LNPK: variants seen among roughly 807,000 people sequenced by gnomAD.
The protein encoded by LNPK is endoplasmic reticulum junction formation protein lunapark.
LNPK carries 29 observed loss-of-function variants against 55.2 expected under a neutral mutation model. That is an observed-to-expected ratio of 0.53 (90% CI 0.39 to 0.72). The LOEUF (loss-of-function observed/expected upper bound fraction) is 0.72, where lower values mean the gene tolerates loss of function less well. LNPK is among the 30% of genes least tolerant of loss of function. LNPK has a pLI of 0.00. For synonymous variants in LNPK, 162 were observed against 168.2 expected (o/e 0.96, Z 0.29); for missense variants, 467 against 494.8 (o/e 0.94, Z 0.53).
At chr2:175,935,157 G>A (rs1033452074) in intron 12 of LNPK, among the ~76,000 whole-genome samples, 5 of 152,108 alleles carry the variant, frequency 3.3e-5, no homozygotes, top group African/African-American at 9.7e-5. Context: ...AAGTTTGGAT[G>A]GAAGAAAGTT....
intron 6 of LNPK, chr2:175,967,497 C>G (rs1686428962): frequency 4.4e-6 from 1 of 228,794 alleles, no homozygotes. Context: ...TTAAAACGCA[C>G]AAAGCATTAA....
intron 2 of LNPK, chr2:175,994,196 G>C: frequency 1.0e-6 from 1 of 981,088 alleles, no homozygotes; most frequent in Non-Finnish European, 1.2e-6. Flanking sequence ...TTCCATAAGA[G>C]TTGTTAACAT....
rs905833310 is a variant in LNPK at position 175,928,240 on chromosome 2, T to G, written c.*1727A>C. The G allele has an allele frequency of 6.6e-6, 1 of 152,192 alleles. No homozygotes were observed. The highest frequency in any genetic ancestry group is 1.5e-5 in the Non-Finnish European group (1 of 68,042). The allele number at this position is 152,192 out of a possible 1,614,324, so 9.4% of individuals were successfully genotyped here. A position where few individuals can be genotyped will look rare whatever the true frequency, so the allele number is the denominator to read the frequency against. ...TTTCCTCATCTGCAAGAGGAAAAAC[T>G]TATGGTCCTTGCATATTTTAAAGAC... On this transcript the variant is annotated 3_prime_UTR_variant, in exon 13 of 13. Transcript: ENST00000272748.
intron 6 of LNPK, among the ~76,000 whole-genome samples, chr2:175,967,371 T>C (rs897931171): frequency 6.6e-6 from 1 of 152,086 alleles, no homozygotes; most frequent in Non-Finnish European, 1.5e-5. Flanking sequence ...CATTACATCA[T>C]AGAAAACATT....
chr2:175,993,887 T>C (rs17394682), intron 2 of LNPK, among the ~76,000 whole-genome samples: 7,434 of 152,224 alleles, frequency 0.049, 254 homozygotes, highest in Middle Eastern at 0.12. Flanking sequence ...AATTAACACA[T>C]TGAAAAAAAT....
chr2:175,995,794 T>C (rs560514880), intron 1 of LNPK, 148 bp from the exon 2 acceptor site: 11 of 295,414 alleles, frequency 3.7e-5, no homozygotes, highest in South Asian at 2.1e-4. Flanking sequence ...GTTATTGGGA[T>C]AGAGTCTACC....
intron 1 of LNPK, among the ~76,000 whole-genome samples, chr2:176,000,451 T>C (rs1013888353): frequency 6.6e-6 from 1 of 152,224 alleles, no homozygotes; most frequent in Non-Finnish European, 1.5e-5. Flanking sequence ...AGAAAACACA[T>C]GTATTTATAT....
intron 8 of LNPK, among the ~76,000 whole-genome samples, chr2:175,952,345 G>C (rs1050292792): frequency 6.6e-6 from 1 of 151,588 alleles, no homozygotes; most frequent in Admixed American, 6.6e-5. Context: ...TTGTAATTGT[G>C]AAAAAAATTA....
At chr2:175,988,349 A>C (rs950291589) in intron 4 of LNPK, among the ~76,000 whole-genome samples, 2 of 151,736 alleles carry the variant, frequency 1.3e-5, no homozygotes, top group African/African-American at 2.4e-5. Flanking sequence ...TAAAAAAAAA[A>C]CAAAAAACAA....
chr2:175,986,929 C>T (rs1687441888), intron 4 of LNPK, among the ~76,000 whole-genome samples: 2 of 132,664 alleles, frequency 1.5e-5, no homozygotes, highest in South Asian at 4.6e-4. Flanking sequence ...TATTAGCTAA[C>T]ATAATTAGCC....
intron 12 of LNPK, among the ~76,000 whole-genome samples, chr2:175,933,827 AT>A (rs970180639): frequency 7.0e-6 from 1 of 142,718 alleles, no homozygotes; most frequent in Non-Finnish European, 1.5e-5. Context: ...CGCCTCCCGG[AT>A]TCAGGTGATT....
chr2:175,961,255 A>G (rs2105615070), intron 8 of LNPK, among the ~76,000 whole-genome samples: 1 of 152,270 alleles, frequency 6.6e-6, no homozygotes, highest in East Asian at 1.9e-4. Context: ...CACAACAAAA[A>G]GAAGTTTAGA....
At chr2:175,986,129 T>A (rs1254358726) in intron 4 of LNPK, among the ~76,000 whole-genome samples, 1 of 152,140 alleles carries the variant, frequency 6.6e-6, no homozygotes, top group Non-Finnish European at 1.5e-5. Context: ...AAAGCAGAAA[T>A]ACACTGTTAT....
intron 4 of LNPK, among the ~76,000 whole-genome samples, chr2:175,991,499 AT>A (rs373618060): frequency 5.3e-4 from 80 of 152,258 alleles, no homozygotes; most frequent in Admixed American, 1.9e-3. Flanking sequence ...AAACAAACAC[AT>A]TTTTTTATAG....
intron 1 of LNPK, among the ~76,000 whole-genome samples, chr2:175,997,607 T>C (rs960010494): frequency 6.6e-6 from 1 of 152,104 alleles, no homozygotes; most frequent in African/African-American, 2.4e-5. Context: ...ACCCTAAGAC[T>C]GTGATCAGAA....
rs10630601 is a variant in LNPK, at chr2:175,956,278, C to CAAA, written c.493+8091_493+8093dup. 8.8e-3 allele frequency among the ~76,000 whole-genome samples: 956 copies of CAAA among 108,378 alleles called. 13 individuals carry two copies. The highest frequency in any genetic ancestry group is 0.018 in the African/African-American group (502 of 28,682). 71.1% of individuals were successfully genotyped at this position (108,378 alleles called of 152,430 possible). On this transcript the variant is annotated intron_variant, in intron 8 of 12. Transcript: ENST00000272748. ...CTGGGTGACAGTGAGACCATGTATT[C>CAAA]AAAAAAAAAAAAAAAAAAGATTTCA...
chr2:175,956,932 G>C (rs1685723528), intron 8 of LNPK, among the ~76,000 whole-genome samples: 1 of 152,140 alleles, frequency 6.6e-6, no homozygotes, highest in Non-Finnish European at 1.5e-5. Flanking sequence ...AAAGCACACA[G>C]AATCCTGCAT....
chr2:175,942,580 T>C (rs1356069811), intron 9 of LNPK, among the ~76,000 whole-genome samples: 2 of 151,918 alleles, frequency 1.3e-5, no homozygotes, highest in East Asian at 3.9e-4. Context: ...TACATTTGAA[T>C]AACCCAGGAT....
upstream of LNPK, chr2:176,002,283 C>T (rs1437636047): frequency 4.5e-6 from 2 of 443,148 alleles, no homozygotes; most frequent in African/African-American, 4.1e-5. Context: ...GGGCCAACTC[C>T]TTCCCATGAA....
Sources: gnomAD v4.1 joint callset for allele counts (sites outside exome capture counted in the v4.1 genomes callset) on GRCh38, gnomAD v4.1.1 for gene constraint, MANE v1.5 for transcripts, NCBI Gene and HGNC (gene_info 2026-07-23, HGNC 2026-07-21) for gene names.